Variants in PKHD1 observed in about 807,000 individuals in gnomAD.
The protein encoded by PKHD1 is PKHD1 ciliary IPT domain containing fibrocystin/polyductin, also known as fibrocystin.
PKHD1 carries 291 observed loss-of-function variants against 412.0 expected under a neutral mutation model. The observed-to-expected ratio is 0.71, with a 90% CI of 0.64 to 0.78. The LOEUF (loss-of-function observed/expected upper bound fraction) is 0.78, where lower values mean the gene tolerates loss of function less well. PKHD1 is among the 30% of genes least tolerant of loss of function. The pLI is 0.00. For synonymous variants in PKHD1, 1,777 were observed against 1,821.5 expected, an observed-to-expected ratio of 0.98 and a Z score of 0.62; for missense variants, 4,825 against 4,950.7, an observed-to-expected ratio of 0.97 and a Z score of 0.76.
intron 59 of PKHD1, among the ~76,000 whole-genome samples, chr6:51,745,808 C>A (rs573428500): frequency 6.6e-6 from 1 of 152,272 alleles, no homozygotes; most frequent in East Asian, 1.9e-4. Context: ...ACAGCTATAT[C>A]AGCCCGGGAT....
chr6:51,671,198 A>T, intron 60 of PKHD1, among the ~76,000 whole-genome samples: 1 of 152,022 alleles, frequency 6.6e-6, no homozygotes, highest in Non-Finnish European at 1.5e-5. Context: ...TCAGACGTAG[A>T]TTTGGTCTTT....
At chr6:51,670,462 C>T (rs4538705) in intron 60 of PKHD1, among the ~76,000 whole-genome samples, 53,739 of 150,650 alleles carry the variant, frequency 0.36, 10,869 homozygotes, top group African/African-American at 0.53. Flanking sequence ...AGATGGGTTT[C>T]CTGAATACAG....
intron 50 of PKHD1, 43 bp downstream of exon 50, chr6:51,847,732 C>T (rs1562452513): frequency 1.5e-6 from 2 of 1,363,954 alleles, no homozygotes; most frequent in South Asian, 2.3e-5. Context: ...TTGGTGATTT[C>T]TGACTATGTG....
At chr6:51,891,227 T>C (rs1008852199) in intron 43 of PKHD1, among the ~76,000 whole-genome samples, 2 of 152,244 alleles carry the variant, frequency 1.3e-5, no homozygotes, top group Admixed American at 1.3e-4. Flanking sequence ...TTGACTTTAA[T>C]TTCCAAATGA....
intron 52 of PKHD1, among the ~76,000 whole-genome samples, chr6:51,818,647 T>C (rs1176587229): frequency 2.6e-5 from 4 of 152,242 alleles, no homozygotes; most frequent in African/African-American, 9.6e-5. Context: ...TTTAGCTGAA[T>C]AGTTTGTCAC....
At chr6:51,958,825 A>ACACG (rs1312026417) in intron 36 of PKHD1, among the ~76,000 whole-genome samples, 1 of 151,596 alleles carries the variant, frequency 6.6e-6, no homozygotes, top group African/African-American at 2.4e-5. Flanking sequence ...ACACACACAC[A>ACACG]CACACACACA....
At chr6:51,718,214 C>G (rs573136994) in intron 60 of PKHD1, among the ~76,000 whole-genome samples, 1 of 152,296 alleles carries the variant, frequency 6.6e-6, no homozygotes, top group African/African-American at 2.4e-5. Flanking sequence ...AAGCACTTCC[C>G]TTATCCCTTC....
At chr6:51,789,320 T>C (rs1268612588) in intron 53 of PKHD1, among the ~76,000 whole-genome samples, 1 of 152,220 alleles carries the variant, frequency 6.6e-6, no homozygotes, top group Non-Finnish European at 1.5e-5. Flanking sequence ...ATTTAATTAT[T>C]GAATGTTCAT....
intron 35 of PKHD1, among the ~76,000 whole-genome samples, chr6:51,976,968 G>C (rs1794542265): frequency 8.9e-6 from 1 of 111,880 alleles, no homozygotes; most frequent in Admixed American, 8.2e-5. Context: ...AAAAAAACCT[G>C]AAAAAAGATG....
intron 60 of PKHD1, among the ~76,000 whole-genome samples, chr6:51,714,369 CA>C (rs11288874): frequency 0.71 from 106,494 of 149,774 alleles, 38,581 homozygotes; most frequent in East Asian, 0.89. Flanking sequence ...GACTCCATTT[CA>C]AAAAAAAAAA....
chr6:51,852,152 T>A (rs1299124324), intron 49 of PKHD1, among the ~76,000 whole-genome samples: 1 of 152,222 alleles, frequency 6.6e-6, no homozygotes, highest in African/African-American at 2.4e-5. Context: ...CTTAATTTCA[T>A]TATTTACCCA....
At chr6:51,939,647 G>A (rs530514927) in intron 36 of PKHD1, among the ~76,000 whole-genome samples, 6 of 151,166 alleles carry the variant, frequency 4.0e-5, no homozygotes, top group African/African-American at 1.5e-4. Flanking sequence ...GATGCCTGAC[G>A]TCCAGACATT....
chr6:52,086,581 T>C (rs1347624581), intron 1 of PKHD1, among the ~76,000 whole-genome samples: 2 of 152,134 alleles, frequency 1.3e-5, no homozygotes, highest in African/African-American at 2.4e-5. Flanking sequence ...AAATCTATAA[T>C]CATTTCTATT....
chr6:51,955,537 G>A (rs1366770291), intron 36 of PKHD1, among the ~76,000 whole-genome samples: 1 of 152,034 alleles, frequency 6.6e-6, no homozygotes, highest in East Asian at 1.9e-4. Flanking sequence ...ACTCTTGAGG[G>A]TCCATAAAGT....
rs550747949 is a variant in PKHD1, at chr6:51,966,785, A to G, written c.5752-6759T>C. 2.2e-4 allele frequency among the ~76,000 whole-genome samples: 34 copies of G among 152,252 alleles called. No individual in the cohort carries two copies. In the South Asian group the frequency reaches 7.1e-3, roughly 32 times the overall value. ...GGAGATAACAGGTTAAATATATAAAACTAATAGTGTGCTCTGAAGTAAAAA... is the reference window on the plus strand; with the variant it reads ...GGAGATAACAGGTTAAATATATAAAGCTAATAGTGTGCTCTGAAGTAAAAA... On this transcript the variant is annotated intron_variant, in intron 35 of 66. Transcript: ENST00000371117.
chr6:51,832,517 A>G (rs1362850443), intron 51 of PKHD1, among the ~76,000 whole-genome samples: 1 of 152,108 alleles, frequency 6.6e-6, no homozygotes, highest in African/African-American at 2.4e-5. Flanking sequence ...GGGTCCAGAG[A>G]CTTCCAGCAC....
intron 37 of PKHD1, among the ~76,000 whole-genome samples, chr6:51,925,696 G>A (rs1785468897): frequency 6.6e-6 from 1 of 152,118 alleles, no homozygotes; most frequent in Non-Finnish European, 1.5e-5. Flanking sequence ...CTGGCCTTCT[G>A]ACTGGAACTT....
intron 60 of PKHD1, among the ~76,000 whole-genome samples, chr6:51,710,163 T>C (rs1185931941): frequency 6.6e-6 from 1 of 152,104 alleles, no homozygotes; most frequent in Non-Finnish European, 1.5e-5. Context: ...TGAGCCAAGA[T>C]GGCACCACTG....
chr6:51,954,245 A>G (rs894728687), intron 36 of PKHD1, among the ~76,000 whole-genome samples: 2 of 152,098 alleles, frequency 1.3e-5, no homozygotes, highest in Non-Finnish European at 2.9e-5. Flanking sequence ...CAGGCAATAC[A>G]TTGTGATATT....
Sources: gnomAD v4.1 joint callset for allele counts (sites outside exome capture counted in the v4.1 genomes callset) on GRCh38, gnomAD v4.1.1 for gene constraint, MANE v1.5 for transcripts, NCBI Gene and HGNC (gene_info 2026-07-23, HGNC 2026-07-21) for gene names.